XPNPEP2: variants seen among roughly 807,000 people sequenced by gnomAD.
The protein encoded by XPNPEP2 is X-prolyl aminopeptidase 2, also known as xaa-Pro aminopeptidase 2.
In XPNPEP2, 64 loss-of-function variants were observed where a neutral mutation model predicts 59.8. The observed-to-expected ratio is 1.07, with a 90% CI of 0.87 to 1.32. The LOEUF is 1.32. Ranked by LOEUF, XPNPEP2 falls within the 40% of genes most tolerant of loss-of-function variation. The probability of loss-of-function intolerance (pLI) is 0.00; values close to 1 mark genes in which losing one functional copy is unlikely to be tolerated. For missense variants in XPNPEP2, 575 were observed against 546.8 expected, an observed-to-expected ratio of 1.05 and a Z score of -0.51; for synonymous variants, 235 against 210.0, an observed-to-expected ratio of 1.12 and a Z score of -1.03.
chrX:129,758,393 T>C (rs1926595619), intron 14 of XPNPEP2, among the ~76,000 whole-genome samples: 1 of 110,618 alleles, frequency 9.0e-6, no homozygotes, highest in South Asian at 3.8e-4. Context: ...AAGAAGAAGG[T>C]CACCACACCC....
intron 2 of XPNPEP2, 148 bp downstream of exon 2, chrX:129,742,329 A>C: frequency 3.3e-6 from 1 of 307,418 alleles, no homozygotes. Context: ...CCCTCCTCCT[A>C]CCAGGCTTTC....
chrX:129,751,672 G>GA, intron 8 of XPNPEP2, 73 bp from the exon 9 acceptor site: 1 of 876,716 alleles, frequency 1.1e-6, no homozygotes, highest in Non-Finnish European at 1.6e-6. Flanking sequence ...GGAAGGAAAG[G>GA]AAAAAAAGAG....
intron 14 of XPNPEP2, among the ~76,000 whole-genome samples, chrX:129,757,799 G>GAA (rs1184956451): frequency 4.7e-5 from 2 of 42,739 alleles, no homozygotes; most frequent in East Asian, 1.2e-3. Flanking sequence ...ATAAAAGGAA[G>GAA]AAAGAAAGAA....
intron 1 of XPNPEP2, among the ~76,000 whole-genome samples, chrX:129,741,063 C>T (rs1217518173): frequency 9.2e-6 from 1 of 109,101 alleles, no homozygotes; most frequent in East Asian, 2.9e-4. Flanking sequence ...CTATCAGAGA[C>T]CGCTTTGTCT....
At chrX:129,744,199 G>A (rs1926251541) in intron 3 of XPNPEP2, 128 bp downstream of exon 3, 2 of 583,454 alleles carry the variant, frequency 3.4e-6, no homozygotes, top group Non-Finnish European at 5.5e-6. Flanking sequence ...GGGAAGTAGA[G>A]AGCATGGACA....
At position 129,755,370 on chromosome X, in the gene XPNPEP2, AG is replaced by A; in HGVS notation, c.1295+1del. The A allele has an allele frequency of 8.3e-7, 1 of 1,209,957 alleles. No individual in the cohort carries two copies. Among genetic ancestry groups the A allele is most frequent in the Non-Finnish European group, 1.1e-6 (1 of 894,264 alleles). On this transcript the variant is annotated frameshift_variant and splice_region_variant, in exon 13 of 21. Transcript: ENST00000371106. LOFTEE classifies it high-confidence loss of function. ...TCTGAATGCTGCCCTGGCCCACTACAGGTACTTGAGGAAAAAGAATTTTCTA... is the reference window on the plus strand; with the variant it reads ...TCTGAATGCTGCCCTGGCCCACTACAGTACTTGAGGAAAAAGAATTTTCTA... ...SGLNAALAHY[S>X]PTKELNRKLS...
At chrX:129,750,426 A>G (rs772559241) in intron 7 of XPNPEP2, 42 bp from the exon 8 acceptor site, 42 of 1,097,213 alleles carry the variant, frequency 3.8e-5, no homozygotes, top group Admixed American at 3.4e-4. Flanking sequence ...GCCAAAGGCA[A>G]GGTCTGTCAC....
rs1262344635 is a variant in XPNPEP2, at chrX:129,752,262, A to T, written c.934A>T (p.Ile312Phe). Residue 312 changes from isoleucine (I) to phenylalanine (F), a missense_variant, in exon 10 of 21, where the codon ATC becomes TTC. Coordinates refer to ENST00000371106, the MANE Select transcript of XPNPEP2 (RefSeq NM_003399.6). ...IEDYSQVRDS[I>F]QAYSLGDVRI... Reference sequence around the variant, plus strand: ...GGATTACAGCCAAGTTCGTGACAGCATCCAGGCCTACTCATTGGGAGATGT... The same window carrying T: ...GGATTACAGCCAAGTTCGTGACAGCTTCCAGGCCTACTCATTGGGAGATGT... 1 of 1,212,201 alleles carries T rather than the reference A, an allele frequency of 8.2e-7. No individual in the cohort carries two copies. Among genetic ancestry groups the T allele is most frequent in the Non-Finnish European group, 1.1e-6 (1 of 895,628 alleles).
At position 129,746,795 on chromosome X, in the gene XPNPEP2, T is replaced by C. The variant is rs751864509; in HGVS notation, c.490+114T>C. The C allele has an allele frequency of 8.9e-4, 588 of 657,526 alleles. 2 individuals are homozygous for C. The highest frequency in any genetic ancestry group is 1.3e-3 in the Middle Eastern group (4 of 3,196). 54.2% of individuals were successfully genotyped at this position (657,526 alleles called of 1,213,427 possible). On this transcript the variant is annotated intron_variant, in intron 6 of 20. Transcript: ENST00000371106. ...AGGAGGGGCGGTGGGACTATAAAGA[T>C]AGAGCATTTGAAATTGTAGTTGCAG... is the stretch of plus-strand genomic sequence containing the variant.
Position 129,747,803 on chromosome X carries a change from C to T in XPNPEP2, c.637+50C>T, listed in dbSNP as rs764121676. Reference sequence around the variant, plus strand: ...TCCCAACTTGTAGCAACGCAGGTCCCGGCTGCTATTCCGTAGGTGGCAAAC... The same window carrying T: ...TCCCAACTTGTAGCAACGCAGGTCCTGGCTGCTATTCCGTAGGTGGCAAAC... On this transcript the variant is annotated intron_variant, in intron 7 of 20. Coordinates refer to ENST00000371106, the MANE Select transcript of XPNPEP2 (RefSeq NM_003399.6). 7.5e-5 allele frequency: 91 copies of T among 1,207,018 alleles called. 1 individual carries two copies. The highest frequency in any genetic ancestry group is 6.3e-4 in the South Asian group (36 of 56,757).
At chrX:129,751,599 G>A (rs1771603) in intron 8 of XPNPEP2, 146 bp from the exon 9 acceptor site, 2,220 of 148,225 alleles carry the variant, frequency 0.015, 20 homozygotes, top group African/African-American at 0.036. Flanking sequence ...AGAAAGAAAG[G>A]AAGGAAGGAA....
At chrX:129,746,446 G>A in intron 5 of XPNPEP2, 106 bp downstream of exon 5, 1 of 952,948 alleles carries the variant, frequency 1.0e-6, no homozygotes, top group Non-Finnish European at 1.5e-6. Flanking sequence ...CCTCTATGGG[G>A]AGCTTAGGAA....
chrX:129,758,768 G>A (rs1237817663), intron 14 of XPNPEP2, among the ~76,000 whole-genome samples: 1 of 111,994 alleles, frequency 8.9e-6, no homozygotes, highest in African/African-American at 3.2e-5. Flanking sequence ...ATCTGAATAT[G>A]AGAGTGTTAT....
chrX:129,739,402 G>A (rs1386835528), intron 1 of XPNPEP2, 140 bp downstream of exon 1: 2 of 601,442 alleles, frequency 3.3e-6, no homozygotes, highest in African/African-American at 2.3e-5. Context: ...ACACCTCAGG[G>A]CCAGTGTTGG....
chrX:129,757,862 GGAGA>G (rs1217582927), intron 14 of XPNPEP2, among the ~76,000 whole-genome samples: 1 of 37,073 alleles, frequency 2.7e-5, no homozygotes, highest in Non-Finnish European at 4.8e-5. Context: ...AAAGAAAGAG[GGAGA>G]GAGAGAAAGA....
intron 16 of XPNPEP2, 53 bp downstream of exon 16, chrX:129,760,634 C>A: frequency 8.8e-7 from 1 of 1,138,388 alleles, no homozygotes; most frequent in East Asian, 3.0e-5. Context: ...TTTCACAGGA[C>A]TCAGACCATC....
At chrX:129,743,021 C>G (rs754970209) in intron 2 of XPNPEP2, among the ~76,000 whole-genome samples, 3 of 112,059 alleles carry the variant, frequency 2.7e-5, no homozygotes, top group East Asian at 2.8e-4. Context: ...AGTCAGCTTC[C>G]TAGCTGGAGA....
At chrX:129,764,613 C>A (rs759164162) in intron 19 of XPNPEP2, among the ~76,000 whole-genome samples, 6 of 106,206 alleles carry the variant, frequency 5.6e-5, no homozygotes, top group African/African-American at 2.1e-4. Context: ...CAAGATCATG[C>A]CATTGTACTC....
chrX:129,739,191 C>A lies in XPNPEP2; in HGVS notation c.-23C>A, dbSNP rs1188839724. ...TCTCTCCCTTGTCCCTCCATCCACCCAGCGCCGGCATCTGGAGACCCTATG... is the reference window on the plus strand; with the variant it reads ...TCTCTCCCTTGTCCCTCCATCCACCAAGCGCCGGCATCTGGAGACCCTATG... On this transcript the variant is annotated 5_prime_UTR_variant, in exon 1 of 21. Coordinates refer to ENST00000371106, the MANE Select transcript of XPNPEP2 (RefSeq NM_003399.6). 1.7e-6 allele frequency: 2 copies of A among 1,205,918 alleles called. No individual in the cohort carries two copies. Among genetic ancestry groups the A allele is most frequent in the Non-Finnish European group, 2.2e-6 (2 of 893,806 alleles).
Sources: gnomAD v4.1 joint callset for allele counts (sites outside exome capture counted in the v4.1 genomes callset) on GRCh38, gnomAD v4.1.1 for gene constraint, MANE v1.5 for transcripts, NCBI Gene and HGNC (gene_info 2026-07-23, HGNC 2026-07-21) for gene names.